Variants in ARHGEF7 observed in about 807,000 individuals in gnomAD.
ARHGEF7 encodes the protein PAK-interacting exchange factor beta.
In ARHGEF7, 33 loss-of-function variants were observed where a neutral mutation model predicts 109.8. That is an observed-to-expected ratio of 0.30 (90% CI 0.23 to 0.40). The LOEUF is 0.40. Among genes scored for constraint, ARHGEF7 ranks in the 10% least tolerant of loss-of-function variants. ARHGEF7 has a pLI of 1.00. For synonymous variants in ARHGEF7, 458 were observed against 424.6 expected, an observed-to-expected ratio of 1.08 and a Z score of -0.97; for missense variants, 938 against 1,098.5, an observed-to-expected ratio of 0.85 and a Z score of 2.07.
chr13:111,282,654 A>T (rs1311620413), intron 15 of ARHGEF7, among the ~76,000 whole-genome samples: 1 of 152,202 alleles, frequency 6.6e-6, no homozygotes, highest in Non-Finnish European at 1.5e-5. Context: ...GTGCCAGGAA[A>T]ACTTTTTTAA....
Position 111,179,081 on chromosome 13 carries a change from C to CTTCTTTTTTT in ARHGEF7, c.252+25092_252+25093insCTTTTTTTTT, listed in dbSNP as rs1555355342. On this transcript the variant is annotated intron_variant, in intron 2 of 21. Coordinates refer to ENST00000646102, the MANE Select transcript of ARHGEF7 (RefSeq NM_001354046.2). ...AGCATTCTGAGTTCAAATGCCTGTT[C>CTTCTTTTTTT]TTTTTTTTTTTTTTTGAGACAGAAT... Among the ~76,000 whole-genome samples the CTTCTTTTTTT allele has an allele frequency of 2.2e-5, 2 of 89,540 alleles. 1 individual carries two copies. The highest frequency in any genetic ancestry group is 4.7e-5 in the Non-Finnish European group (2 of 42,790). The allele number at this position is 89,540 out of a possible 152,430, so 58.7% of individuals were successfully genotyped here.
At chr13:111,220,120 C>T (rs1266619845) in intron 5 of ARHGEF7, among the ~76,000 whole-genome samples, 1 of 152,224 alleles carries the variant, frequency 6.6e-6, no homozygotes, top group Non-Finnish European at 1.5e-5. Flanking sequence ...CCTAGCCCAG[C>T]CCCACCAGTT....
rs761535617 is a variant in ARHGEF7, at chr13:111,300,760, A to T, written c.2324A>T (p.Glu775Val). Residue 775 changes from glutamate to valine, a missense_variant, in exon 20 of 22, where the codon GAA (glutamate) becomes GTA (valine). By Grantham distance (121) the Glu-to-Val change is moderately radical. Coordinates refer to ENST00000646102, the MANE Select transcript of ARHGEF7 (RefSeq NM_001354046.2). ...TTCATGATCCTAGGTTCACGCAAAG[A>T]ATCTGCTCCACAAGTTTTGCTTCCA... ...RMGSTSRSRK[E>V]SAPQVLLPEE... 2 of 1,610,182 alleles carry T rather than the reference A, an allele frequency of 1.2e-6. No homozygotes were observed. The highest frequency in any genetic ancestry group is 1.7e-6 in the Non-Finnish European group (2 of 1,178,014).
intron 18 of ARHGEF7, among the ~76,000 whole-genome samples, chr13:111,289,463 G>A (rs916176477): frequency 6.6e-6 from 1 of 152,200 alleles, no homozygotes; most frequent in African/African-American, 2.4e-5. Flanking sequence ...CTGACATGTG[G>A]GCACGTGCTG....
intron 1 of ARHGEF7, among the ~76,000 whole-genome samples, chr13:111,123,144 G>A (rs752847787): frequency 3.3e-5 from 5 of 152,154 alleles, no homozygotes; most frequent in Non-Finnish European, 5.9e-5. Flanking sequence ...ACTTGTTTTG[G>A]CCAATGGACT....
chr13:111,271,701 CTG>C (rs2092163891), intron 9 of ARHGEF7, among the ~76,000 whole-genome samples: 1 of 152,234 alleles, frequency 6.6e-6, no homozygotes, highest in Non-Finnish European at 1.5e-5. Flanking sequence ...TTGACAGTCT[CTG>C]TGCTACTAAT....
At position 111,249,970 on chromosome 13, in the gene ARHGEF7, T is replaced by C. The variant is rs1183378204; in HGVS notation, c.950+5676T>C. Among the ~76,000 whole-genome samples, 4 of 152,390 alleles carry C rather than the reference T, an allele frequency of 2.6e-5. No individual in the cohort carries two copies. The East Asian group carries it at 5.8e-4, about 22-fold the overall frequency. On this transcript the variant is annotated intron_variant, in intron 8 of 21. Coordinates refer to ENST00000646102, the MANE Select transcript of ARHGEF7 (RefSeq NM_001354046.2). The stretch of plus-strand genomic sequence containing the variant: ...CCCAAGATTCTGTTATCTTTCATGC[T>C]ACTTTTGAGTGCCTCTAGGCAGTTA...
intron 8 of ARHGEF7, among the ~76,000 whole-genome samples, chr13:111,265,032 G>A (rs902154316): frequency 1.3e-5 from 2 of 148,828 alleles, no homozygotes; most frequent in Admixed American, 6.8e-5. Flanking sequence ...GCTGAGACAC[G>A]AGAATCGCTT....
chr13:111,250,078 T>C (rs1207461298), intron 8 of ARHGEF7, among the ~76,000 whole-genome samples: 1 of 152,254 alleles, frequency 6.6e-6, no homozygotes, highest in Non-Finnish European at 1.5e-5. Flanking sequence ...GCCAGATTTA[T>C]AGAACCCATT....
intron 6 of ARHGEF7, among the ~76,000 whole-genome samples, chr13:111,233,532 C>G (rs968267035): frequency 2.0e-5 from 3 of 152,082 alleles, no homozygotes; most frequent in African/African-American, 7.2e-5. Context: ...GCTCTTGTCC[C>G]GTAACATAGT....
At chr13:111,141,358 GT>G (rs34639240) in intron 1 of ARHGEF7, among the ~76,000 whole-genome samples, 20,503 of 146,864 alleles carry the variant, frequency 0.14, 1,482 homozygotes, top group African/African-American at 0.21. Context: ...CCGTCCCCAT[GT>G]TTTTTTTTTT....
intron 5 of ARHGEF7, among the ~76,000 whole-genome samples, chr13:111,230,886 T>A (rs1047550072): frequency 6.6e-6 from 1 of 152,246 alleles, no homozygotes; most frequent in Non-Finnish European, 1.5e-5. Context: ...GCCTGTTTTT[T>A]ATTTTTATGT....
chr13:111,148,188 A>C (rs1211407254), intron 1 of ARHGEF7, among the ~76,000 whole-genome samples: 1 of 152,212 alleles, frequency 6.6e-6, no homozygotes, highest in African/African-American at 2.4e-5. Context: ...ATGGAGTCTA[A>C]GCCCAATATT....
At chr13:111,268,428 A>G (rs1195721464) in intron 9 of ARHGEF7, among the ~76,000 whole-genome samples, 1 of 152,250 alleles carries the variant, frequency 6.6e-6, no homozygotes, top group Non-Finnish European at 1.5e-5. Context: ...ACAGAAATTC[A>G]CACATTTTCA....
intron 1 of ARHGEF7, among the ~76,000 whole-genome samples, chr13:111,130,426 A>G (rs1218257321): frequency 6.6e-6 from 1 of 152,176 alleles, no homozygotes; most frequent in Non-Finnish European, 1.5e-5. Context: ...GCTTTAACTC[A>G]TGTTATTTGC....
rs1231077798 is a variant in ARHGEF7 at position 111,217,679 on chromosome 13, G to A, written c.469G>A (p.Asp157Asn). Residue 157 changes from aspartate to asparagine, a missense_variant and splice_region_variant, in exon 5 of 22, where the codon GAC (aspartate) becomes AAC (asparagine). This residue lies in a region of ARHGEF7 where 585 missense variants were observed against 723.6 expected (regional missense o/e 0.81). Transcript: ENST00000646102. ...TCTCCCACTCTTCTTCCCCTTTTAG[G>A]ACATGACCGATAATAGCAACAATCA... ...KLFQGQYRSL[D>N]MTDNSNNQLV... 1.2e-6 allele frequency: 2 copies of A among 1,613,608 alleles called. No homozygotes were observed. The highest frequency in any genetic ancestry group is 1.7e-5 in the Admixed American group (1 of 60,020).
chr13:111,121,776 T>C (rs529927984), intron 1 of ARHGEF7, among the ~76,000 whole-genome samples: 1 of 152,272 alleles, frequency 6.6e-6, no homozygotes, highest in Admixed American at 6.5e-5. Flanking sequence ...CCTGGCTTTG[T>C]TCCCGCAGCC....
At chr13:111,287,298 T>C (rs745342230) in intron 17 of ARHGEF7, among the ~76,000 whole-genome samples, 1 of 152,194 alleles carries the variant, frequency 6.6e-6, no homozygotes, top group Admixed American at 6.5e-5. Flanking sequence ...GGATGCCTGC[T>C]CTGTTGCTTA....
chr13:111,153,713 G>A (rs906801318), intron 1 of ARHGEF7, 192 bp from the exon 2 acceptor site: 2 of 1,323,642 alleles, frequency 1.5e-6, no homozygotes, highest in Admixed American at 4.2e-5. Context: ...CCCGGAGGAA[G>A]AAAAAAGGGT....
Sources: gnomAD v4.1 joint callset for allele counts (sites outside exome capture counted in the v4.1 genomes callset) on GRCh38, gnomAD v4.1.1 for gene constraint, gnomAD v4.1.1 regional missense constraint, MANE v1.5 for transcripts, NCBI Gene and HGNC (gene_info 2026-07-23, HGNC 2026-07-21) for gene names.